SND1: variants seen among roughly 807,000 people sequenced by gnomAD.
The protein encoded by SND1 is staphylococcal nuclease domain-containing protein 1.
In SND1, 38 loss-of-function variants were observed where a neutral mutation model predicts 121.7. The ratio of observed to expected loss-of-function variants is 0.31; its 90% CI spans 0.24 to 0.41. The LOEUF (loss-of-function observed/expected upper bound fraction) is 0.41. SND1 is among the 10% of genes least tolerant of loss of function. The probability of loss-of-function intolerance (pLI) is 1.00; values close to 1 mark genes in which losing one functional copy is unlikely to be tolerated. For missense variants in SND1, 868 were observed against 1,184.6 expected (o/e 0.73, Z 3.92); for synonymous variants, 401 against 447.4 (o/e 0.90, Z 1.31).
intron 12 of SND1, among the ~76,000 whole-genome samples, chr7:127,866,973 T>A (rs1799490249): frequency 6.6e-6 from 1 of 152,208 alleles, no homozygotes; most frequent in African/African-American, 2.4e-5. Flanking sequence ...AGATTCCAGT[T>A]CTTTTGTTCT....
intron 15 of SND1, among the ~76,000 whole-genome samples, chr7:127,981,450 GAC>G (rs758224740): frequency 2.0e-5 from 3 of 152,110 alleles, no homozygotes; most frequent in Admixed American, 6.5e-5. Flanking sequence ...CACCTCCAGA[GAC>G]AGCCTGGTGA....
At chr7:128,091,967 G>A (rs1562896688) in intron 23 of SND1, 26 bp from the exon 24 acceptor site, 2 of 1,614,068 alleles carry the variant, frequency 1.2e-6, no homozygotes, top group African/African-American at 1.3e-5. Context: ...TATCCCTGAA[G>A]AGCTATTGTC....
chr7:128,051,880 T>A (rs1282075054), intron 16 of SND1, among the ~76,000 whole-genome samples: 1 of 152,216 alleles, frequency 6.6e-6, no homozygotes. Flanking sequence ...AAGTGATACT[T>A]GGGTTCAGAG....
chr7:127,977,694 C>A (rs116848950), intron 15 of SND1, among the ~76,000 whole-genome samples: 1 of 152,006 alleles, frequency 6.6e-6, no homozygotes, highest in Non-Finnish European at 1.5e-5. Context: ...AGGGAAAAAT[C>A]GAGGGCAGGC....
intron 15 of SND1, among the ~76,000 whole-genome samples, chr7:127,973,590 G>A (rs1474582100): frequency 1.3e-5 from 2 of 152,208 alleles, no homozygotes; most frequent in Non-Finnish European, 2.9e-5. Context: ...AGCTACCTGA[G>A]GTGAGGTGGT....
chr7:127,844,481 T>A, intron 12 of SND1, 57 bp downstream of exon 12: 6 of 1,344,312 alleles, frequency 4.5e-6, no homozygotes, highest in Non-Finnish European at 6.3e-6. Context: ...AAGAGTTCTT[T>A]GCTCATTTGA....
intron 10 of SND1, among the ~76,000 whole-genome samples, chr7:127,743,171 G>T (rs980354358): frequency 2.0e-5 from 3 of 152,314 alleles, no homozygotes; most frequent in Middle Eastern, 3.4e-3. Context: ...GAAATTGATG[G>T]TGAGCCTGTT....
intron 10 of SND1, among the ~76,000 whole-genome samples, chr7:127,788,769 T>C (rs1797858906): frequency 6.6e-6 from 1 of 152,232 alleles, no homozygotes; most frequent in African/African-American, 2.4e-5. Flanking sequence ...TTTTCCTTTT[T>C]TGTTTTCATT....
intron 16 of SND1, among the ~76,000 whole-genome samples, chr7:128,074,217 T>C (rs1206381303): frequency 6.6e-6 from 1 of 151,782 alleles, no homozygotes; most frequent in East Asian, 1.9e-4. Flanking sequence ...CTCCTGACCT[T>C]CAGCTGCGCT....
chr7:128,004,847 A>C (rs909709751), intron 16 of SND1, among the ~76,000 whole-genome samples: 2 of 152,242 alleles, frequency 1.3e-5, no homozygotes, highest in African/African-American at 4.8e-5. Flanking sequence ...CTAGGTTTAC[A>C]GCCAGACCTC....
At chr7:127,675,332 A>G (rs1437672913) in intron 1 of SND1, among the ~76,000 whole-genome samples, 1 of 152,148 alleles carries the variant, frequency 6.6e-6, no homozygotes, top group African/African-American at 2.4e-5. Context: ...ATGAGTTGTG[A>G]TAACTGTTAG....
intron 16 of SND1, among the ~76,000 whole-genome samples, chr7:128,063,237 A>T (rs1209257859): frequency 6.6e-6 from 1 of 152,156 alleles, no homozygotes; most frequent in African/African-American, 2.4e-5. Context: ...GGAGGGAGGC[A>T]CACACGGCTG....
At chr7:128,031,670 G>T (rs1444195218) in intron 16 of SND1, 3 of 146,360 alleles carry the variant, frequency 2.0e-5, no homozygotes, top group Non-Finnish European at 3.0e-5. Context: ...GGAGGAGCGC[G>T]CGGCGCCCGC....
intron 10 of SND1, among the ~76,000 whole-genome samples, chr7:127,735,755 T>C (rs1226444653): frequency 2.0e-5 from 3 of 152,100 alleles, no homozygotes; most frequent in Admixed American, 2.0e-4. Flanking sequence ...GCCTCCCAAC[T>C]AGCTGGGATT....
At chr7:127,805,038 G>A (rs1484577392) in intron 10 of SND1, among the ~76,000 whole-genome samples, 1 of 152,068 alleles carries the variant, frequency 6.6e-6, no homozygotes. Context: ...GCATTCTTAC[G>A]TATGATTGAG....
At position 128,056,478 on chromosome 7, in the gene SND1, G is replaced by A. The variant is rs762183336; in HGVS notation, c.1780-18024G>A. Among the ~76,000 whole-genome samples, 82 of 152,366 alleles carry A rather than the reference G, an allele frequency of 5.4e-4. No individual in the cohort carries two copies. The Middle Eastern group carries it at 0.014, about 25-fold the overall frequency. ...TCTTAAAAGCAAAGACAAATCAATA[G>A]ATAAGTACCAGTGATTGGCATCTGT... On this transcript the variant is annotated intron_variant, in intron 16 of 23. Transcript: ENST00000354725.
intron 14 of SND1, among the ~76,000 whole-genome samples, chr7:127,917,597 T>G (rs1445991194): frequency 2.0e-5 from 3 of 152,176 alleles, no homozygotes; most frequent in African/African-American, 7.2e-5. Context: ...AGAGAGAATC[T>G]CTATCCTATA....
chr7:127,899,327 C>T (rs2116755076), intron 13 of SND1, among the ~76,000 whole-genome samples: 1 of 152,108 alleles, frequency 6.6e-6, no homozygotes, highest in Middle Eastern at 3.4e-3. Flanking sequence ...AAGGAGTTCA[C>T]CTAGGACCCC....
chr7:127,708,094 C>T (rs1465386417), intron 9 of SND1, among the ~76,000 whole-genome samples: 3 of 151,964 alleles, frequency 2.0e-5, no homozygotes, highest in East Asian at 3.9e-4. Flanking sequence ...CACTTTTGGT[C>T]TAGTATTCAG....
Sources: allele counts gnomAD v4.1 joint callset (sites outside exome capture counted in the v4.1 genomes callset), GRCh38; gene constraint gnomAD v4.1.1; transcripts MANE v1.5; gene names NCBI Gene and HGNC (gene_info 2026-07-23, HGNC 2026-07-21).